The following TPD52 variants were observed in gnomAD, a reference collection of about 807,000 sequenced individuals.
The protein encoded by TPD52 is tumor protein D52.
TPD52 carries 17 observed loss-of-function variants against 31.3 expected under a neutral mutation model. That is an observed-to-expected ratio of 0.54 (90% CI 0.37 to 0.82). The LOEUF (loss-of-function observed/expected upper bound fraction) is 0.82, where lower values mean the gene tolerates loss of function less well. TPD52 is among the 40% of genes least tolerant of loss of function. The probability of loss-of-function intolerance (pLI) is 0.00; values close to 1 mark genes in which losing one functional copy is unlikely to be tolerated. For missense variants in TPD52, 212 were observed against 240.1 expected, an observed-to-expected ratio of 0.88 and a Z score of 0.77; for synonymous variants, 83 against 89.6, an observed-to-expected ratio of 0.93 and a Z score of 0.42.
intron 1 of TPD52, among the ~76,000 whole-genome samples, chr8:80,066,498 C>T (rs544884520): frequency 6.6e-5 from 10 of 152,136 alleles, no homozygotes; most frequent in Non-Finnish European, 1.2e-4. Flanking sequence ...TAATTGCTTC[C>T]GCAGGTCTTC....
chr8:80,118,175 T>C (rs554887982), intron 1 of TPD52, among the ~76,000 whole-genome samples: 1 of 152,340 alleles, frequency 6.6e-6, no homozygotes, highest in Non-Finnish European at 1.5e-5. Context: ...GGTTAATTGA[T>C]TTCTGACAAG....
chr8:80,053,215 C>A, intron 3 of TPD52, 67 bp downstream of exon 3: 1 of 1,527,688 alleles, frequency 6.5e-7, no homozygotes, highest in South Asian at 1.3e-5. Context: ...TTCTTCCCCT[C>A]TCCAGACAAA....
intron 5 of TPD52, among the ~76,000 whole-genome samples, chr8:80,045,325 G>A (rs572607730): frequency 6.6e-6 from 1 of 152,300 alleles, no homozygotes; most frequent in African/African-American, 2.4e-5. Context: ...TGCTGAAGCT[G>A]CCTGGAATAG....
At chr8:80,128,395 G>A (rs768002820) in intron 1 of TPD52, among the ~76,000 whole-genome samples, 2 of 148,532 alleles carry the variant, frequency 1.3e-5, no homozygotes, top group Non-Finnish European at 3.0e-5. Flanking sequence ...TGGCTCATGC[G>A]TATAATCCCA....
intron 1 of TPD52, among the ~76,000 whole-genome samples, chr8:80,146,913 TG>T (rs1310538094): frequency 6.6e-6 from 1 of 152,190 alleles, no homozygotes; most frequent in Non-Finnish European, 1.5e-5. Context: ...TTCCCAAATG[TG>T]GTCCCTGAAC....
At chr8:80,136,893 A>G (rs1419898555) in intron 1 of TPD52, among the ~76,000 whole-genome samples, 3 of 152,232 alleles carry the variant, frequency 2.0e-5, no homozygotes, top group Non-Finnish European at 4.4e-5. Flanking sequence ...ATTCAAATAT[A>G]AATAATTATC....
intron 1 of TPD52, among the ~76,000 whole-genome samples, chr8:80,091,653 A>T (rs527901391): frequency 6.6e-6 from 1 of 152,326 alleles, no homozygotes; most frequent in South Asian, 2.1e-4. Context: ...ATAGAGTTTG[A>T]GTTGAAATGT....
chr8:80,050,528 A>C (rs959306218), intron 4 of TPD52, 57 bp from the exon 5 acceptor site: 2 of 1,525,632 alleles, frequency 1.3e-6, no homozygotes, highest in African/African-American at 2.8e-5. Context: ...AATCTAAAAC[A>C]ATTAAATAAC....
At chr8:80,061,886 C>T (rs973169271) in intron 2 of TPD52, among the ~76,000 whole-genome samples, 2 of 151,996 alleles carry the variant, frequency 1.3e-5, no homozygotes, top group Non-Finnish European at 2.9e-5. Context: ...AAGACTCGTA[C>T]ATAGAAAAAT....
At chr8:80,141,447 T>C (rs368439822) in intron 1 of TPD52, among the ~76,000 whole-genome samples, 10 of 152,046 alleles carry the variant, frequency 6.6e-5, no homozygotes, top group South Asian at 4.1e-4. Context: ...GTCCCTGGGG[T>C]GAGGAACTGG....
chr8:80,161,011 T>G (rs1811324970), intron 1 of TPD52, among the ~76,000 whole-genome samples: 1 of 150,732 alleles, frequency 6.6e-6, no homozygotes, highest in African/African-American at 2.4e-5. Context: ...GCAGTGAGCC[T>G]CAATCACTGC....
At chr8:80,167,162 TGGCTA>T (rs1237309563) in intron 1 of TPD52, among the ~76,000 whole-genome samples, 1 of 152,188 alleles carries the variant, frequency 6.6e-6, no homozygotes, top group East Asian at 1.9e-4. Context: ...TAAAAATACA[TGGCTA>T]AAATTATGGT....
intron 2 of TPD52, among the ~76,000 whole-genome samples, chr8:80,054,877 A>C (rs1811714089): frequency 6.6e-6 from 1 of 152,224 alleles, no homozygotes; most frequent in South Asian, 2.1e-4. Context: ...CAGTTTTGTA[A>C]GTCACATTTT....
intron 1 of TPD52, among the ~76,000 whole-genome samples, chr8:80,071,209 G>C (rs549958009): frequency 6.6e-6 from 1 of 152,126 alleles, no homozygotes; most frequent in Non-Finnish European, 1.5e-5. Context: ...CACCCAGAAT[G>C]GCTACCGCAG....
rs1810025377 is a variant in TPD52, at chr8:80,037,983, A to G, written c.*133T>C. On this transcript the variant is annotated 3_prime_UTR_variant, in exon 8 of 8. Transcript: ENST00000518937. ...TTTCATTTTGTTTAACCCACAAACT[A>G]TTTGGTCAAAGGAATATGTAAAGCT... 7.8e-6 allele frequency: 10 copies of G among 1,277,756 alleles called. No individual in the cohort carries two copies. In the South Asian group the frequency reaches 1.4e-4, roughly 18 times the overall value. The allele number at this position is 1,277,756 out of a possible 1,614,324, so 79.2% of individuals were successfully genotyped here. A position where few individuals can be genotyped will look rare whatever the true frequency, so the allele number is the denominator to read the frequency against.
intron 1 of TPD52, among the ~76,000 whole-genome samples, chr8:80,157,894 C>T (rs1259788274): frequency 2.0e-5 from 3 of 152,188 alleles, no homozygotes; most frequent in African/African-American, 7.2e-5. Flanking sequence ...TATTAAAATA[C>T]ATTTTGCATT....
At chr8:80,167,790 T>C (rs1354349992) in intron 1 of TPD52, among the ~76,000 whole-genome samples, 1 of 152,218 alleles carries the variant, frequency 6.6e-6, no homozygotes, top group African/African-American at 2.4e-5. Flanking sequence ...CAGGAACCAT[T>C]CCTCTTCCCC....
rs75442595 is a variant in TPD52 at position 80,040,648 on chromosome 8, A to G, written c.504+1972T>C. 5.3e-4 allele frequency among the ~76,000 whole-genome samples: 80 copies of G among 152,338 alleles called. 1 individual carries two copies. In the East Asian group the frequency reaches 0.011, roughly 22 times the overall value. On this transcript the variant is annotated intron_variant, in intron 7 of 7. Transcript: ENST00000518937. ...TCCTCATGTCCAATGTCAAAAACACATAAGATTCCTGGTTTTCCAATTTGC... is the reference window on the plus strand; with the variant it reads ...TCCTCATGTCCAATGTCAAAAACACGTAAGATTCCTGGTTTTCCAATTTGC...
At chr8:80,050,045 T>C (rs995538290) in intron 5 of TPD52, among the ~76,000 whole-genome samples, 1 of 152,044 alleles carries the variant, frequency 6.6e-6, no homozygotes, top group African/African-American at 2.4e-5. Flanking sequence ...GTTACAATTG[T>C]GTAATGAAAC....
Sources: allele counts gnomAD v4.1 joint callset (sites outside exome capture counted in the v4.1 genomes callset), GRCh38; gene constraint gnomAD v4.1.1; transcripts MANE v1.5; gene names NCBI Gene and HGNC (gene_info 2026-07-23, HGNC 2026-07-21).